ENTREP2: variants seen among roughly 807,000 people sequenced by gnomAD.
ENTREP2 encodes the protein protein ENTREP2.
At chr15:29,493,615 C>CT in the ENTREP2 span, among the ~76,000 whole-genome samples, 7 of 151,758 alleles carry the variant, frequency 4.6e-5, no homozygotes, top group Admixed American at 3.9e-4. Flanking sequence ...GATCCTGTCT[C>CT]TAAAAATAAA....
the ENTREP2 span, among the ~76,000 whole-genome samples, chr15:29,407,755 C>A: frequency 6.6e-6 from 1 of 152,168 alleles, no homozygotes; most frequent in Admixed American, 6.5e-5. Context: ...GCAACATACA[C>A]CTCCCAATCA....
chr15:29,567,224 G>A, the ENTREP2 span, among the ~76,000 whole-genome samples: 20 of 152,046 alleles, frequency 1.3e-4, 1 homozygote, highest in South Asian at 1.0e-3. Context: ...ACAGACCTCC[G>A]GCCAGGCCTG....
chr15:29,512,130 A>G, the ENTREP2 span, among the ~76,000 whole-genome samples: 1 of 152,112 alleles, frequency 6.6e-6, no homozygotes, highest in South Asian at 2.1e-4. Flanking sequence ...AGCCAACCAG[A>G]ACTACCATGA....
the ENTREP2 span, among the ~76,000 whole-genome samples, chr15:29,254,799 G>A: frequency 2.0e-5 from 3 of 152,184 alleles, no homozygotes; most frequent in East Asian, 5.8e-4. Flanking sequence ...GGAGGTTGCA[G>A]TGAGCCGAGA....
chr15:29,129,925 C>T, the ENTREP2 span, among the ~76,000 whole-genome samples: 75 of 152,298 alleles, frequency 4.9e-4, no homozygotes, highest in East Asian at 6.0e-3. Flanking sequence ...TTTGGGGATA[C>T]ACTTGCAAAT....
the ENTREP2 span, among the ~76,000 whole-genome samples, chr15:29,368,337 A>AAT: frequency 3.5e-3 from 515 of 146,162 alleles, 6 homozygotes; most frequent in African/African-American, 0.012. Flanking sequence ...CAAAAAAAAA[A>AAT]ATATATATAT....
the ENTREP2 span, among the ~76,000 whole-genome samples, chr15:29,624,981 A>T: frequency 4.6e-5 from 7 of 151,546 alleles, no homozygotes; most frequent in African/African-American, 1.7e-4. Flanking sequence ...CCATTCTATC[A>T]TCTCTGGGGA....
the ENTREP2 span, among the ~76,000 whole-genome samples, chr15:29,344,959 C>CAT: frequency 6.6e-6 from 1 of 151,952 alleles, no homozygotes; most frequent in African/African-American, 2.4e-5. Flanking sequence ...CACACACACA[C>CAT]ACACACACAC....
At chr15:29,483,438 T>A in the ENTREP2 span, among the ~76,000 whole-genome samples, 1 of 152,248 alleles carries the variant, frequency 6.6e-6, no homozygotes, top group Non-Finnish European at 1.5e-5. Context: ...TCCTTCTGTG[T>A]AATTTATGAA....
the ENTREP2 span, among the ~76,000 whole-genome samples, chr15:29,133,695 G>A: frequency 1.3e-5 from 2 of 152,200 alleles, no homozygotes; most frequent in African/African-American, 4.8e-5. Context: ...GTGTGTGGGG[G>A]TGCCTTTCTC....
the ENTREP2 span, among the ~76,000 whole-genome samples, chr15:29,422,915 T>C: frequency 6.6e-6 from 1 of 152,180 alleles, no homozygotes; most frequent in Admixed American, 6.5e-5. Flanking sequence ...CTAAGAAGGC[T>C]AGGGGATCAA....
chr15:29,140,291 A>C, the ENTREP2 span, among the ~76,000 whole-genome samples: 3 of 152,172 alleles, frequency 2.0e-5, no homozygotes, highest in Non-Finnish European at 4.4e-5. Flanking sequence ...GTACTCAGTA[A>C]ACTTCTGCAG....
At chr15:29,214,067 A>C in the ENTREP2 span, among the ~76,000 whole-genome samples, 3 of 152,222 alleles carry the variant, frequency 2.0e-5, no homozygotes, top group Non-Finnish European at 2.9e-5. Context: ...GTGGAGAAAT[A>C]GGAACACTTT....
chr15:29,395,844 T>A, the ENTREP2 span, among the ~76,000 whole-genome samples: 1 of 152,140 alleles, frequency 6.6e-6, no homozygotes, highest in Non-Finnish European at 1.5e-5. Flanking sequence ...TTGTTGTGAT[T>A]TTGATTTGCA....
chr15:29,625,676 T>C, the ENTREP2 span, among the ~76,000 whole-genome samples: 2 of 152,004 alleles, frequency 1.3e-5, no homozygotes, highest in African/African-American at 4.8e-5. Context: ...ATTACAGGCA[T>C]GAGCCTCCAC....
the ENTREP2 span, among the ~76,000 whole-genome samples, chr15:29,196,960 T>C: frequency 6.6e-6 from 1 of 152,190 alleles, no homozygotes; most frequent in African/African-American, 2.4e-5. Context: ...CCTCACTTCA[T>C]GGCCTATCAA....
At chr15:29,654,520 T>C in the ENTREP2 span, among the ~76,000 whole-genome samples, 1 of 152,192 alleles carries the variant, frequency 6.6e-6, no homozygotes, top group East Asian at 1.9e-4. Flanking sequence ...AATAAGAACT[T>C]ACATGAATTT....
At chr15:29,560,539 C>T in the ENTREP2 span, among the ~76,000 whole-genome samples, 3 of 152,096 alleles carry the variant, frequency 2.0e-5, no homozygotes, top group Non-Finnish European at 4.4e-5. Flanking sequence ...GCCAGGGTGT[C>T]CCTTGCAGGG....
chr15:29,543,757 C>CTGT, the ENTREP2 span, among the ~76,000 whole-genome samples: 3 of 148,820 alleles, frequency 2.0e-5, no homozygotes, highest in Non-Finnish European at 4.4e-5. Context: ...CCAGCCTGGG[C>CTGT]AACAGAGCAA....
Sources: allele counts gnomAD v4.1 joint callset (sites outside exome capture counted in the v4.1 genomes callset), GRCh38; gene constraint gnomAD v4.1.1; transcripts MANE v1.5; gene names NCBI Gene and HGNC (gene_info 2026-07-23, HGNC 2026-07-21).